STK17A: variants seen among roughly 807,000 people sequenced by gnomAD.
STK17A encodes serine/threonine-protein kinase 17A.
A neutral mutation model predicts 43.7 loss-of-function variants in STK17A; 26 were observed. The ratio of observed to expected loss-of-function variants is 0.60; its 90% CI spans 0.44 to 0.83. STK17A has a LOEUF of 0.83. Ranked by LOEUF, STK17A falls within the 40% of genes least tolerant of loss-of-function variation. STK17A has a pLI of 0.00. For missense variants in STK17A, 476 were observed against 511.6 expected (o/e 0.93, Z 0.67); for synonymous variants, 191 against 182.5 (o/e 1.05, Z -0.38).
intron 2 of STK17A, among the ~76,000 whole-genome samples, chr7:43,598,374 G>T (rs538194587): frequency 6.6e-6 from 1 of 151,094 alleles, no homozygotes; most frequent in Non-Finnish European, 1.5e-5. Flanking sequence ...GGAGGCTGAC[G>T]CAGGAGAATG....
chr7:43,609,521 A>C (rs2082674804), intron 3 of STK17A: 1 of 152,260 alleles, frequency 6.6e-6, no homozygotes, highest in Non-Finnish European at 1.5e-5. Context: ...ATGGGTGCTC[A>C]GGAGACAATA....
At chr7:43,597,777 A>G (rs1214305725) in intron 2 of STK17A, among the ~76,000 whole-genome samples, 1 of 152,134 alleles carries the variant, frequency 6.6e-6, no homozygotes, top group Non-Finnish European at 1.5e-5. Flanking sequence ...TACAAAAAAT[A>G]CAAAAATTAG....
intron 3 of STK17A, among the ~76,000 whole-genome samples, chr7:43,616,936 A>G (rs1025076912): frequency 2.0e-5 from 3 of 152,190 alleles, no homozygotes; most frequent in Admixed American, 1.3e-4. Flanking sequence ...TTCGTTTTTC[A>G]TATTGTAGCC....
At chr7:43,585,286 A>AG (rs2082430770) in intron 1 of STK17A, among the ~76,000 whole-genome samples, 1 of 142,008 alleles carries the variant, frequency 7.0e-6, no homozygotes, top group South Asian at 2.1e-4. Context: ...TACAAAACGA[A>AG]TGTCTTCAGG....
chr7:43,621,739 A>G (rs1038156672), intron 4 of STK17A, among the ~76,000 whole-genome samples: 2 of 152,210 alleles, frequency 1.3e-5, no homozygotes, highest in Non-Finnish European at 2.9e-5. Flanking sequence ...TTTTCTATCA[A>G]GAGCCTTTCC....
At position 43,603,170 on chromosome 7, in the gene STK17A, T is replaced by A. The variant is rs903954481; in HGVS notation, c.420-5086T>A. On this transcript the variant is annotated intron_variant, in intron 2 of 6. Coordinates refer to ENST00000319357, the MANE Select transcript of STK17A (RefSeq NM_004760.3). ...AATAATAAAAATACAGATTTGGTGATATTATTCTCTTGCTTAGAAACGTTT... is the reference window on the plus strand; with the variant it reads ...AATAATAAAAATACAGATTTGGTGAAATTATTCTCTTGCTTAGAAACGTTT... 4.6e-5 allele frequency among the ~76,000 whole-genome samples: 7 copies of A among 152,342 alleles called. 1 individual carries two copies. In the East Asian group the frequency reaches 7.7e-4, roughly 17 times the overall value.
chr7:43,588,176 T>C (rs371106567), intron 1 of STK17A, among the ~76,000 whole-genome samples: 171 of 151,602 alleles, frequency 1.1e-3, no homozygotes, highest in African/African-American at 4.0e-3. Flanking sequence ...ATTATTATCA[T>C]TGGTTATATC....
chr7:43,594,893 A>AAAAAAT (rs34954300), intron 1 of STK17A, among the ~76,000 whole-genome samples: 1 of 147,502 alleles, frequency 6.8e-6, no homozygotes, highest in African/African-American at 2.4e-5. Context: ...AAAAAAAAGA[A>AAAAAAT]AGAAAGAAAA....
chr7:43,623,716 G>A lies in STK17A; in HGVS notation c.748G>A (p.Gly250Arg). The A allele has an allele frequency of 6.2e-7, 1 of 1,605,802 alleles. No individual in the cohort carries two copies. The highest frequency in any genetic ancestry group is 8.5e-7 in the Non-Finnish European group (1 of 1,177,146). ...ATTTTCTTTCTAATTTAGGAGCATTGGAGTGTTAACATATGTCATGCTTAC... is the reference window on the plus strand; with the variant it reads ...ATTTTCTTTCTAATTTAGGAGCATTAGAGTGTTAACATATGTCATGCTTAC... ...ISMATDMWSI[G>R]VLTYVMLTGI... The change falls in exon 6 of 7, where the codon GGA (glycine) becomes AGA (arginine). Residue 250 changes from glycine to arginine, a missense_variant. By Grantham distance (125) the Gly-to-Arg change is moderately radical (BLOSUM62 -2). Around this residue, in one of 3 missense-constraint regions of STK17A, gnomAD observed 320 missense variants for 326.3 expected, o/e 0.98. Transcript: ENST00000319357.
At chr7:43,590,201 C>T (rs934415489) in intron 1 of STK17A, among the ~76,000 whole-genome samples, 1 of 151,298 alleles carries the variant, frequency 6.6e-6, no homozygotes, top group Non-Finnish European at 1.5e-5. Flanking sequence ...CTACCTCAGC[C>T]TCCGAAAGTG....
chr7:43,608,563 CA>C, intron 3 of STK17A, 163 bp downstream of exon 3: 1 of 734,022 alleles, frequency 1.4e-6, no homozygotes, highest in Non-Finnish European at 2.1e-6. Flanking sequence ...TTAGTTTTAT[CA>C]GGGAGATAAT....
Position 43,623,713 on chromosome 7 carries a change from A to G in STK17A, c.745A>G (p.Ile249Val). Reference sequence around the variant, plus strand: ...TGCATTTTCTTTCTAATTTAGGAGCATTGGAGTGTTAACATATGTCATGCT... The same window carrying G: ...TGCATTTTCTTTCTAATTTAGGAGCGTTGGAGTGTTAACATATGTCATGCT... ...PISMATDMWS[I>V]GVLTYVMLTG... Residue 249 changes from isoleucine (I) to valine (V), a missense_variant, in exon 6 of 7, where the codon ATT (isoleucine) becomes GTT (valine). By Grantham distance (29) the Ile-to-Val change is conservative. Transcript: ENST00000319357. The G allele has an allele frequency of 6.2e-7, 1 of 1,606,256 alleles. No individual in the cohort carries two copies. The highest frequency in any genetic ancestry group is 8.5e-7 in the Non-Finnish European group (1 of 1,177,310).
intron 1 of STK17A, among the ~76,000 whole-genome samples, chr7:43,587,464 C>G: frequency 6.6e-6 from 1 of 151,336 alleles, no homozygotes; most frequent in Non-Finnish European, 1.5e-5. Flanking sequence ...TCTCATTCTC[C>G]TCAGAGCAGT....
intron 2 of STK17A, among the ~76,000 whole-genome samples, chr7:43,602,392 T>C (rs919567933): frequency 2.6e-5 from 4 of 152,200 alleles, no homozygotes; most frequent in Non-Finnish European, 5.9e-5. Flanking sequence ...CCAGTTTTGT[T>C]CTACTTCATT....
At chr7:43,591,934 C>T (rs901766513) in intron 1 of STK17A, among the ~76,000 whole-genome samples, 2 of 151,486 alleles carry the variant, frequency 1.3e-5, no homozygotes, top group African/African-American at 4.8e-5. Context: ...TTACTTACTG[C>T]ACAGTACTTT....
intron 2 of STK17A, among the ~76,000 whole-genome samples, chr7:43,604,816 A>G (rs1015676839): frequency 6.6e-6 from 1 of 152,164 alleles, no homozygotes; most frequent in Non-Finnish European, 1.5e-5. Flanking sequence ...ACAGTGTATT[A>G]AATGGCTTGA....
intron 2 of STK17A, among the ~76,000 whole-genome samples, chr7:43,601,916 CT>C (rs2082558212): frequency 1.3e-5 from 2 of 152,132 alleles, no homozygotes. Flanking sequence ...CCCCCACCCC[CT>C]GAGCTAATCA....
intron 2 of STK17A, among the ~76,000 whole-genome samples, chr7:43,603,401 C>G (rs546683542): frequency 6.6e-6 from 1 of 152,200 alleles, no homozygotes; most frequent in African/African-American, 2.4e-5. Flanking sequence ...ATTAATCATT[C>G]CTGAAGCACC....
At chr7:43,584,423 G>T (rs111668925) in intron 1 of STK17A, among the ~76,000 whole-genome samples, 1,888 of 152,306 alleles carry the variant, frequency 0.012, 40 homozygotes, top group African/African-American at 0.043. Flanking sequence ...CTCAGAGGTG[G>T]CCTGAAGATG....
Sources: allele counts gnomAD v4.1 joint callset (sites outside exome capture counted in the v4.1 genomes callset), GRCh38; gene constraint gnomAD v4.1.1; regional missense constraint gnomAD v4.1.1; transcripts MANE v1.5; gene names NCBI Gene and HGNC (gene_info 2026-07-23, HGNC 2026-07-21).